LOXL2: variants seen among roughly 807,000 people sequenced by gnomAD.
LOXL2 encodes lysyl oxidase like 2, also known as lysyl oxidase homolog 2.
LOXL2 carries 70 observed loss-of-function variants against 93.0 expected under a neutral mutation model. The observed-to-expected ratio is 0.75, with a 90% CI of 0.62 to 0.92. The LOEUF (loss-of-function observed/expected upper bound fraction) is 0.92. LOXL2 is among the 40% of genes least tolerant of loss of function. LOXL2 has a pLI of 0.00. For synonymous variants in LOXL2, 438 were observed against 413.2 expected, an observed-to-expected ratio of 1.06 and a Z score of -0.73; for missense variants, 973 against 1,054.9, an observed-to-expected ratio of 0.92 and a Z score of 1.08.
At chr8:23,333,687 A>C in intron 4 of LOXL2, 64 bp from the exon 5 acceptor site, 1 of 1,294,654 alleles carries the variant, frequency 7.7e-7, no homozygotes, top group Non-Finnish European at 1.1e-6. Flanking sequence ...TTCCTTCTGC[A>C]ACGAGGCAGA....
At chr8:23,361,076 A>G (rs4871867) in intron 2 of LOXL2, among the ~76,000 whole-genome samples, 1 of 151,272 alleles carries the variant, frequency 6.6e-6, no homozygotes, top group Non-Finnish European at 1.5e-5. Flanking sequence ...AATTTTTTGT[A>G]TTTTAGTAGA....
At chr8:23,362,278 A>C (rs755139211) in intron 2 of LOXL2, among the ~76,000 whole-genome samples, 14 of 152,244 alleles carry the variant, frequency 9.2e-5, no homozygotes, top group Non-Finnish European at 1.6e-4. Context: ...AAATTCATTG[A>C]AACAGAAAGT....
rs73545996 is a variant in LOXL2, at chr8:23,341,048, C to T, written c.687G>A (p.Val229=). 1.1e-5 allele frequency: 17 copies of T among 1,614,182 alleles called. No homozygotes were observed. The African/African-American group carries it at 1.2e-4, about 11-fold the overall frequency. The change falls in exon 4 of 14, where the codon GTG becomes GTA. Residue 229 remains valine (V), a synonymous_variant. Coordinates refer to ENST00000389131, the MANE Select transcript of LOXL2 (RefSeq NM_002318.3). ...CAGGGAAGCCAAACATGCCGCAGACCACGCGGGAATTCTTGGCCGTCCAGT... is the reference window on the plus strand; with the variant it reads ...CAGGGAAGCCAAACATGCCGCAGACTACGCGGGAATTCTTGGCCGTCCAGT... The part of the protein sequence containing the change: ...DKHWTAKNSR[V]VCGMFGFPGE...
intron 3 of LOXL2, among the ~76,000 whole-genome samples, chr8:23,346,319 C>T (rs1803983863): frequency 6.6e-6 from 1 of 152,134 alleles, no homozygotes; most frequent in African/African-American, 2.4e-5. Flanking sequence ...CCAGAGACAA[C>T]AGTGCACCCA....
At chr8:23,301,987 C>A in intron 12 of LOXL2, 40 bp downstream of exon 12, 6 of 1,611,874 alleles carry the variant, frequency 3.7e-6, no homozygotes, top group Non-Finnish European at 5.1e-6. Flanking sequence ...GCCTCCCCTC[C>A]TCCCCCTGCA....
chr8:23,303,223 G>GGAGGCA (rs1374009745), intron 11 of LOXL2, 59 bp downstream of exon 11: 1 of 1,041,764 alleles, frequency 9.6e-7, no homozygotes, highest in Non-Finnish European at 1.5e-6. Flanking sequence ...AGGTGATCGT[G>GGAGGCA]GAGGCAGAGG....
intron 9 of LOXL2, among the ~76,000 whole-genome samples, chr8:23,315,171 G>T (rs1169680165): frequency 6.6e-6 from 1 of 152,214 alleles, no homozygotes; most frequent in Non-Finnish European, 1.5e-5. Context: ...GGCAGCAACA[G>T]TGGCAGGGAA....
chr8:23,309,562 T>G, intron 10 of LOXL2, 106 bp downstream of exon 10: 1 of 1,254,000 alleles, frequency 8.0e-7, no homozygotes, highest in Non-Finnish European at 1.0e-6. Flanking sequence ...CCCCAGGCCA[T>G]GCAGCCTCTT....
intron 8 of LOXL2, 120 bp from the exon 9 acceptor site, chr8:23,317,234 A>C (rs1803417570): frequency 8.7e-7 from 1 of 1,150,004 alleles, no homozygotes; most frequent in South Asian, 1.3e-5. Context: ...TTTCAGATCG[A>C]AACAGCACGG....
At chr8:23,379,515 C>T (rs1804644053) in intron 1 of LOXL2, among the ~76,000 whole-genome samples, 1 of 152,220 alleles carries the variant, frequency 6.6e-6, no homozygotes, top group East Asian at 1.9e-4. Flanking sequence ...TTTTGTTCGG[C>T]CATGCCCTGC....
At chr8:23,302,203 A>C (rs774897495) in intron 11 of LOXL2, 40 bp from the exon 12 acceptor site, 2 of 1,609,404 alleles carry the variant, frequency 1.2e-6, no homozygotes, top group Non-Finnish European at 1.7e-6. Context: ...CCAGGGAACC[A>C]TGGCCCCACT....
chr8:23,382,386 C>G, intron 1 of LOXL2: 1 of 152,088 alleles, frequency 6.6e-6, no homozygotes, highest in South Asian at 2.1e-4. Context: ...CATGGTGGCA[C>G]ATGCCTGTAG....
intron 1 of LOXL2, among the ~76,000 whole-genome samples, chr8:23,374,857 A>T (rs1284592878): frequency 6.6e-6 from 1 of 152,192 alleles, no homozygotes; most frequent in African/African-American, 2.4e-5. Context: ...CCTTTGTCAG[A>T]TGAGTAGATT....
rs773524538 is a variant in LOXL2 at position 23,322,208 on chromosome 8, A to G, written c.1224T>C (p.Asn408=). Residue 408 remains asparagine (N), a synonymous_variant, in exon 7 of 14, where the codon AAT becomes AAC. Coordinates refer to ENST00000389131, the MANE Select transcript of LOXL2 (RefSeq NM_002318.3). The stretch of plus-strand genomic sequence containing the variant: ...CGTGGTTGCAGCCCTGAGACTCGGC[A>G]TTGAACTTGCAGTCTATAATGGACT... ...NEKSIIDCKF[N]AESQGCNHEE... The G allele has an allele frequency of 1.9e-6, 3 of 1,614,220 alleles. No homozygotes were observed. Among genetic ancestry groups the G allele is most frequent in the Non-Finnish European group, 2.5e-6 (3 of 1,180,034 alleles).
intron 4 of LOXL2, among the ~76,000 whole-genome samples, chr8:23,337,977 G>A (rs1408882697): frequency 1.3e-5 from 2 of 152,136 alleles, no homozygotes; most frequent in African/African-American, 4.8e-5. Context: ...CCCGAGCCTG[G>A]GTAATTTATA....
intron 8 of LOXL2, among the ~76,000 whole-genome samples, chr8:23,319,281 G>A (rs1803454829): frequency 6.6e-6 from 1 of 151,888 alleles, no homozygotes; most frequent in African/African-American, 2.4e-5. Flanking sequence ...CTGTGATGGG[G>A]GCGGGAGGGT....
chr8:23,349,327 C>T (rs569107599), intron 3 of LOXL2, among the ~76,000 whole-genome samples: 6 of 152,286 alleles, frequency 3.9e-5, no homozygotes, highest in Non-Finnish European at 7.4e-5. Context: ...GGTGCCTCCG[C>T]GTTAGGCCCA....
rs1803240343 is a variant in LOXL2, at chr8:23,307,063, C to T, written c.1880+2605G>A. Among the ~76,000 whole-genome samples the T allele has an allele frequency of 2.0e-5, 3 of 152,306 alleles. No individual in the cohort carries two copies. In the South Asian group the frequency reaches 6.2e-4, roughly 32 times the overall value. On this transcript the variant is annotated intron_variant, in intron 10 of 13. Coordinates refer to ENST00000389131, the MANE Select transcript of LOXL2 (RefSeq NM_002318.3). ...ATTAAACTGGAAATGGCATTTTTTC[C>T]CATTCCCACTAATTTGAGCCAGGGT...
At chr8:23,330,524 G>T (rs1221909333) in intron 5 of LOXL2, among the ~76,000 whole-genome samples, 1 of 152,130 alleles carries the variant, frequency 6.6e-6, no homozygotes, top group Non-Finnish European at 1.5e-5. Context: ...TGGAGGCAGA[G>T]GTCAAATAAC....
Sources: gnomAD v4.1 joint callset for allele counts (sites outside exome capture counted in the v4.1 genomes callset) on GRCh38, gnomAD v4.1.1 for gene constraint, MANE v1.5 for transcripts, NCBI Gene and HGNC (gene_info 2026-07-23, HGNC 2026-07-21) for gene names.